The following DSCAM variants were observed in gnomAD, a reference collection of about 807,000 sequenced individuals.
DSCAM encodes the protein cell adhesion molecule DSCAM.
A neutral mutation model predicts 217.7 loss-of-function variants in DSCAM; 47 were observed. The ratio of observed to expected loss-of-function variants is 0.22; its 90% CI spans 0.17 to 0.28. The LOEUF (loss-of-function observed/expected upper bound fraction) is 0.28, where lower values mean the gene tolerates loss of function less well. Ranked by LOEUF, DSCAM falls within the 10% of genes least tolerant of loss-of-function variation. The pLI, the probability that DSCAM is intolerant of heterozygous loss-of-function variation, is 1.00. For synonymous variants in DSCAM, 1,056 were observed against 1,015.3 expected (o/e 1.04, Z -0.76); for missense variants, 2,080 against 2,618.3 (o/e 0.79, Z 4.49).
chr21:40,342,649 T>TATATATATATATATA (rs1555907253), intron 6 of DSCAM, among the ~76,000 whole-genome samples: 8 of 38,978 alleles, frequency 2.1e-4, no homozygotes, highest in Admixed American at 6.3e-4. Context: ...TATATATATA[T>TATATATATATATATA]TTTTTTTTTT....
chr21:40,363,416 G>C (rs1280931148), intron 4 of DSCAM, among the ~76,000 whole-genome samples: 1 of 151,580 alleles, frequency 6.6e-6, no homozygotes, highest in East Asian at 1.9e-4. Context: ...CTATACCTGG[G>C]TAATTTTTGT....
intron 1 of DSCAM, among the ~76,000 whole-genome samples, chr21:40,781,658 G>C: frequency 6.6e-6 from 1 of 152,124 alleles, no homozygotes; most frequent in Admixed American, 6.5e-5. Context: ...CATACAGAGA[G>C]ATGAATGTAC....
At position 40,266,645 on chromosome 21, in the gene DSCAM, A is replaced by ATATATATATATT. The variant is rs1569031879; in HGVS notation, c.2356+9451_2356+9452insAATATATATATA. On this transcript the variant is annotated intron_variant, in intron 11 of 32. Coordinates refer to ENST00000400454, the MANE Select transcript of DSCAM (RefSeq NM_001389.5). ...ATGGACAAAGATGTTTTATATATAT[A>ATATATATATATT]TATATATATATATATATATATATAT... is the stretch of plus-strand genomic sequence containing the variant. Among the ~76,000 whole-genome samples the ATATATATATATT allele has an allele frequency of 3.5e-5, 4 of 114,066 alleles. No individual in the cohort carries two copies. In the East Asian group the frequency reaches 1.1e-3, roughly 32 times the overall value. 74.8% of individuals were successfully genotyped at this position (114,066 alleles called of 152,430 possible).
Position 40,746,347 on chromosome 21 carries a change from GA to G in DSCAM, c.44-37577del, listed in dbSNP as rs1360059735. Among the ~76,000 whole-genome samples, 3 of 126,958 alleles carry G rather than the reference GA, an allele frequency of 2.4e-5. 1 individual carries two copies. The highest frequency in any genetic ancestry group is 5.1e-4 in the South Asian group (2 of 3,942). 83.3% of individuals were successfully genotyped at this position (126,958 alleles called of 152,430 possible). A position where few individuals can be genotyped will look rare whatever the true frequency, so the allele number is the denominator to read the frequency against. ...AAAACATGCACAGACTAAAGAGATG[GA>G]AAAAAGATATTCCAAACAAATTGAA... On this transcript the variant is annotated intron_variant, in intron 1 of 32. Coordinates refer to ENST00000400454, the MANE Select transcript of DSCAM (RefSeq NM_001389.5).
At chr21:40,153,404 G>A (rs2090444813) in intron 16 of DSCAM, among the ~76,000 whole-genome samples, 1 of 152,190 alleles carries the variant, frequency 6.6e-6, no homozygotes, top group Non-Finnish European at 1.5e-5. Context: ...AGGGTGACTG[G>A]ACATTGCCTT....
chr21:40,342,000 C>T (rs1342582169), intron 6 of DSCAM, among the ~76,000 whole-genome samples: 1 of 152,100 alleles, frequency 6.6e-6, no homozygotes, highest in African/African-American at 2.4e-5. Context: ...TCTCATATTT[C>T]CTCATGACTA....
chr21:40,455,126 G>T (rs1424144037), intron 3 of DSCAM, among the ~76,000 whole-genome samples: 1 of 152,158 alleles, frequency 6.6e-6, no homozygotes, highest in African/African-American at 2.4e-5. Flanking sequence ...GCGAGACATA[G>T]ATCAAGAAGC....
At chr21:40,267,965 G>A (rs1398897185) in intron 11 of DSCAM, among the ~76,000 whole-genome samples, 1 of 152,054 alleles carries the variant, frequency 6.6e-6, no homozygotes, top group African/African-American at 2.4e-5. Context: ...ACAAACATAG[G>A]CATGCGTATA....
intron 3 of DSCAM, among the ~76,000 whole-genome samples, chr21:40,502,489 G>A (rs902136963): frequency 1.3e-5 from 2 of 152,122 alleles, no homozygotes; most frequent in Non-Finnish European, 2.9e-5. Flanking sequence ...GCAAGGGGTT[G>A]GCAGGCCGTC....
chr21:40,368,703 T>G (rs1465802042), intron 4 of DSCAM, among the ~76,000 whole-genome samples: 1 of 152,232 alleles, frequency 6.6e-6, no homozygotes, highest in Non-Finnish European at 1.5e-5. Context: ...CCTTATAGGA[T>G]ATTTACCACA....
chr21:40,051,943 T>C lies in DSCAM; in HGVS notation c.5185+15A>G, dbSNP rs142338430. ...TGTTAACACCCACACATTTTAAGCA[T>C]TGTTGACCACTCACTCGTTCCCGGC... On this transcript the variant is annotated intron_variant, in intron 30 of 32. Coordinates refer to ENST00000400454, the MANE Select transcript of DSCAM (RefSeq NM_001389.5). The C allele has an allele frequency of 2.8e-4, 451 of 1,606,054 alleles. 3 individuals are homozygous for C. In the African/African-American group the frequency reaches 5.4e-3, roughly 19 times the overall value.
At chr21:40,676,005 A>T (rs547074139) in intron 3 of DSCAM, among the ~76,000 whole-genome samples, 1 of 152,318 alleles carries the variant, frequency 6.6e-6, no homozygotes, top group African/African-American at 2.4e-5. Context: ...CTATGAATAT[A>T]TTTTTCCCAC....
At chr21:40,269,078 G>A (rs1010732141) in intron 11 of DSCAM, among the ~76,000 whole-genome samples, 1 of 152,122 alleles carries the variant, frequency 6.6e-6, no homozygotes, top group Non-Finnish European at 1.5e-5. Flanking sequence ...GGAACACTGT[G>A]GCTGAATCGC....
In DSCAM at chr21:40,607,609, G is replaced by A. The variant is rs187266864; in HGVS notation, c.508+85201C>T. Among the ~76,000 whole-genome samples the A allele has an allele frequency of 3.6e-3, 548 of 152,156 alleles. 3 individuals are homozygous for A. The highest frequency in any genetic ancestry group is 0.012 in the African/African-American group (501 of 41,494). On this transcript the variant is annotated intron_variant, in intron 3 of 32. Coordinates refer to ENST00000400454, the MANE Select transcript of DSCAM (RefSeq NM_001389.5). ...GGTGGGAGGTAATGGAAACATGGGC[G>A]GGTGGGGGTTTCCCTCACACTGTTC... is the stretch of plus-strand genomic sequence containing the variant.
intron 8 of DSCAM, among the ~76,000 whole-genome samples, chr21:40,321,698 C>T (rs191482696): frequency 1.4e-4 from 21 of 151,176 alleles, no homozygotes; most frequent in African/African-American, 3.4e-4. Flanking sequence ...AACATTGCTG[C>T]GAGCATTTAC....
chr21:40,744,170 C>T (rs938304113), intron 1 of DSCAM, among the ~76,000 whole-genome samples: 1 of 152,142 alleles, frequency 6.6e-6, no homozygotes, highest in African/African-American at 2.4e-5. Context: ...GTATGGGAAT[C>T]TTCATGGGAA....
At chr21:40,746,991 T>C (rs116843408) in intron 1 of DSCAM, among the ~76,000 whole-genome samples, 2,322 of 151,832 alleles carry the variant, frequency 0.015, 39 homozygotes, top group Non-Finnish European at 0.023. Context: ...AAATCAAAAA[T>C]AAAATTTAAA....
At chr21:40,678,693 T>C (rs1054199061) in intron 3 of DSCAM, among the ~76,000 whole-genome samples, 6 of 152,188 alleles carry the variant, frequency 3.9e-5, no homozygotes, top group African/African-American at 7.2e-5. Context: ...GTGAAGCATA[T>C]TGATCACTAT....
At chr21:40,157,261 G>A (rs2837464) in intron 16 of DSCAM, among the ~76,000 whole-genome samples, 40,902 of 152,102 alleles carry the variant, frequency 0.27, 5,630 homozygotes, top group East Asian at 0.33. Flanking sequence ...GACCGAGACT[G>A]CAGGGCCTAC....
Sources: allele counts gnomAD v4.1 joint callset (sites outside exome capture counted in the v4.1 genomes callset), GRCh38; gene constraint gnomAD v4.1.1; transcripts MANE v1.5; gene names NCBI Gene and HGNC (gene_info 2026-07-23, HGNC 2026-07-21).